GLIS3: variants seen among roughly 807,000 people sequenced by gnomAD.
The protein encoded by GLIS3 is zinc finger protein GLIS3.
GLIS3 carries 53 observed loss-of-function variants against 78.6 expected under a neutral mutation model. The observed-to-expected ratio is 0.67, with a 90% CI of 0.54 to 0.85. The LOEUF (loss-of-function observed/expected upper bound fraction) is 0.85, where lower values mean the gene tolerates loss of function less well. Among genes scored for constraint, GLIS3 ranks in the 40% least tolerant of loss-of-function variants. GLIS3 has a pLI of 0.00. For missense variants in GLIS3, 1,703 were observed against 1,231.1 expected (o/e 1.38, Z -5.74); for synonymous variants, 684 against 509.9 (o/e 1.34, Z -4.60).
chr9:4,344,937 G>A (rs924658297), intron 2 of GLIS3, among the ~76,000 whole-genome samples: 1 of 152,094 alleles, frequency 6.6e-6, no homozygotes, highest in African/African-American at 2.4e-5. Flanking sequence ...CTTCACCACT[G>A]CACTCCATTC....
At chr9:4,340,293 G>A (rs370889452) in intron 2 of GLIS3, among the ~76,000 whole-genome samples, 28 of 133,232 alleles carry the variant, frequency 2.1e-4, no homozygotes, top group African/African-American at 3.1e-4. Flanking sequence ...AATCAAATGA[G>A]AAAAAAAAAA....
chr9:4,152,016 G>C, intron 2 of GLIS3: 1 of 258,244 alleles, frequency 3.9e-6, no homozygotes, highest in Non-Finnish European at 6.0e-6. Flanking sequence ...GTTTGCACAG[G>C]TCTTGTATGA....
At chr9:4,147,531 T>A (rs1200654820) in intron 2 of GLIS3, 1 of 152,220 alleles carries the variant, frequency 6.6e-6, no homozygotes, top group Non-Finnish European at 1.5e-5. Context: ...TTGGCATACA[T>A]TTCCAGGGCT....
chr9:4,357,591 A>ATGTGTGTGTGTGTGTGTGTG, the GLIS3 span, among the ~76,000 whole-genome samples: 3 of 127,810 alleles, frequency 2.3e-5, no homozygotes, highest in African/African-American at 9.7e-5. Flanking sequence ...GTGTGTGTGC[A>ATGTGTGTGTGTGTGTGTGTG]TGTGTATGTG....
chr9:3,998,491 T>A (rs141580383), intron 4 of GLIS3, among the ~76,000 whole-genome samples: 1,653 of 152,056 alleles, frequency 0.011, 34 homozygotes, highest in African/African-American at 0.038. Flanking sequence ...ACTACTGTAT[T>A]TATTTTTAAT....
intron 2 of GLIS3, among the ~76,000 whole-genome samples, chr9:4,331,829 A>G (rs914261113): frequency 9.9e-5 from 15 of 152,220 alleles, no homozygotes; most frequent in Non-Finnish European, 1.5e-5. Flanking sequence ...AGTGGTTCAG[A>G]CAGAGAGAAC....
intron 4 of GLIS3, among the ~76,000 whole-genome samples, chr9:3,987,988 T>C (rs1407586978): frequency 1.3e-5 from 2 of 152,014 alleles, no homozygotes; most frequent in East Asian, 1.9e-4. Flanking sequence ...CACTGAGGTA[T>C]AGTGATGATT....
chr9:4,354,912 C>T, the GLIS3 span, among the ~76,000 whole-genome samples: 7 of 152,008 alleles, frequency 4.6e-5, no homozygotes, highest in East Asian at 3.9e-4. Flanking sequence ...GTCAGGAGAT[C>T]GAGACCATCC....
chr9:4,410,489 CTA>C, the GLIS3 span, among the ~76,000 whole-genome samples: 1 of 152,094 alleles, frequency 6.6e-6, no homozygotes, highest in Non-Finnish European at 1.5e-5. Flanking sequence ...TCTATTGAAA[CTA>C]TGATTGAAAA....
At chr9:3,974,543 C>G (rs1402135618) in intron 4 of GLIS3, among the ~76,000 whole-genome samples, 5 of 152,202 alleles carry the variant, frequency 3.3e-5, no homozygotes, top group South Asian at 2.1e-4. Flanking sequence ...CATATGAGGA[C>G]TCTGCTATTT....
At chr9:3,929,077 T>A (rs1211615396) in intron 6 of GLIS3, among the ~76,000 whole-genome samples, 1 of 152,204 alleles carries the variant, frequency 6.6e-6, no homozygotes, top group Non-Finnish European at 1.5e-5. Flanking sequence ...CAGACAGAAT[T>A]GAAGGACAGA....
chr9:4,347,503 A>G (rs1445645993), intron 1 of GLIS3, among the ~76,000 whole-genome samples: 3 of 152,084 alleles, frequency 2.0e-5, no homozygotes, highest in African/African-American at 4.8e-5. Flanking sequence ...TCCTACACCC[A>G]CTCCAGATCA....
chr9:3,955,051 T>A (rs2130858711), intron 4 of GLIS3, among the ~76,000 whole-genome samples: 1 of 152,102 alleles, frequency 6.6e-6, no homozygotes, highest in South Asian at 2.1e-4. Context: ...ATTCACGACG[T>A]AGAGGGGACA....
chr9:4,085,724 A>T (rs1313165838), intron 4 of GLIS3, among the ~76,000 whole-genome samples: 1 of 152,116 alleles, frequency 6.6e-6, no homozygotes, highest in Non-Finnish European at 1.5e-5. Flanking sequence ...CTGTCCTCGC[A>T]ATAGTCAGTG....
At chr9:4,059,492 G>C (rs1350590023) in intron 4 of GLIS3, among the ~76,000 whole-genome samples, 1 of 152,134 alleles carries the variant, frequency 6.6e-6, no homozygotes, top group Non-Finnish European at 1.5e-5. Flanking sequence ...TTGCTTTGTG[G>C]AAAAACCACA....
At chr9:3,876,302 G>C (rs138223349) in intron 8 of GLIS3, among the ~76,000 whole-genome samples, 4,892 of 109,542 alleles carry the variant, frequency 0.045, 107 homozygotes, top group South Asian at 0.077. Flanking sequence ...CTTCATTAGA[G>C]TCAAGAAGAT....
chr9:4,358,239 A>G, the GLIS3 span, among the ~76,000 whole-genome samples: 1 of 152,204 alleles, frequency 6.6e-6, no homozygotes, highest in African/African-American at 2.4e-5. Context: ...TGGTCGCCAG[A>G]GTAACAAGGA....
intron 2 of GLIS3, among the ~76,000 whole-genome samples, chr9:4,261,970 A>C (rs986084277): frequency 6.6e-6 from 1 of 152,196 alleles, no homozygotes; most frequent in Non-Finnish European, 1.5e-5. Context: ...CCCATGATAC[A>C]AAGGGCTGTG....
Position 3,826,530 on chromosome 9 carries a change from G to C in GLIS3, c.*1742C>G, listed in dbSNP as rs572011874. On this transcript the variant is annotated 3_prime_UTR_variant, in exon 11 of 11. Coordinates refer to ENST00000381971, the MANE Select transcript of GLIS3 (RefSeq NM_001042413.2). ...GACGTCTACGTGAAAGCTTTTCTTA[G>C]AATACAGCCCACTACTCAGAGAAAC... 1.3e-5 allele frequency: 2 copies of C among 152,270 alleles called. No individual in the cohort carries two copies. The highest frequency in any genetic ancestry group is 1.3e-4 in the Admixed American group (2 of 15,300). 9.4% of individuals were successfully genotyped at this position (152,270 alleles called of 1,614,324 possible). A position where few individuals can be genotyped will look rare whatever the true frequency, so the allele number is the denominator to read the frequency against.
Sources: allele counts gnomAD v4.1 joint callset (sites outside exome capture counted in the v4.1 genomes callset), GRCh38; gene constraint gnomAD v4.1.1; transcripts MANE v1.5; gene names NCBI Gene and HGNC (gene_info 2026-07-23, HGNC 2026-07-21).